Variants in TEX15 observed in about 807,000 individuals in gnomAD.
The protein encoded by TEX15 is testis-expressed protein 15.
A neutral mutation model predicts 237.3 loss-of-function variants in TEX15; 171 were observed. That is an observed-to-expected ratio of 0.72 (90% CI 0.64 to 0.82). TEX15 has a LOEUF of 0.82. Ranked by LOEUF, TEX15 falls within the 40% of genes least tolerant of loss-of-function variation. The pLI, the probability that TEX15 is intolerant of heterozygous loss-of-function variation, is 0.00. For missense variants in TEX15, 3,750 were observed against 3,646.5 expected (o/e 1.03, Z -0.73); for synonymous variants, 1,338 against 1,269.8 (o/e 1.05, Z -1.14).
intron 10 of TEX15, among the ~76,000 whole-genome samples, chr8:30,836,205 G>GGTT (rs1807288634): frequency 2.3e-5 from 1 of 43,264 alleles, no homozygotes; most frequent in Non-Finnish European, 3.9e-5. Context: ...TCACTGTATC[G>GGTT]TTTTTTTTTT....
At chr8:30,854,388 A>G (rs887870565) in intron 7 of TEX15, among the ~76,000 whole-genome samples, 1 of 152,068 alleles carries the variant, frequency 6.6e-6, no homozygotes, top group East Asian at 1.9e-4. Flanking sequence ...AATAAATTAC[A>G]TAACTGAAAT....
chr8:30,909,193 T>G (rs62508296), intron 1 of TEX15, among the ~76,000 whole-genome samples: 2,356 of 152,016 alleles, frequency 0.015, 30 homozygotes, highest in Non-Finnish European at 0.025. Flanking sequence ...TCTTCAAATT[T>G]AGTTACAGTA....
In TEX15 at chr8:30,842,797, A is replaced by G. The variant is rs745333814; in HGVS notation, c.7370T>C (p.Phe2457Ser). Residue 2457 changes from phenylalanine to serine, a missense_variant, in exon 8 of 11, where the codon TTT becomes TCT. Transcript: ENST00000643185. ...TTTCTTTGCTATTGAGTTTTTAAGA[A>G]AGTGAATTGTTTCTGAGACCATGAC... ...EIVMVSETIHFLKNSIAKKLD... is the reference protein window; with the variant it reads ...EIVMVSETIHSLKNSIAKKLD... 1.8e-5 allele frequency: 29 copies of G among 1,613,236 alleles called. No individual in the cohort carries two copies. In the South Asian group the frequency reaches 3.2e-4, roughly 18 times the overall value.
rs144509979 is a variant in TEX15 at position 30,902,999 on chromosome 8, A to G, written c.-85-4182T>C. Among the ~76,000 whole-genome samples the G allele has an allele frequency of 9.2e-5, 14 of 152,292 alleles. 1 individual carries two copies. In the South Asian group the frequency reaches 1.9e-3, roughly 20 times the overall value. ...AAGAGAGGGATTATGCTTTTAAACT[A>G]TGTGGTTAAACTATTTTATTTTGAT... On this transcript the variant is annotated intron_variant, in intron 1 of 10. Coordinates refer to ENST00000643185, the MANE Select transcript of TEX15 (RefSeq NM_001350162.2).
intron 7 of TEX15, among the ~76,000 whole-genome samples, chr8:30,849,989 T>C (rs1037832455): frequency 6.6e-6 from 1 of 152,068 alleles, no homozygotes; most frequent in Non-Finnish European, 1.5e-5. Flanking sequence ...ATTAATTTTC[T>C]ATATTCAGAT....
rs746964827 is a variant in TEX15, at chr8:30,912,916, T to C, written c.-123A>G. 1 of 152,320 alleles carries C rather than the reference T, an allele frequency of 6.6e-6. No homozygotes were observed. Among genetic ancestry groups the C allele is most frequent in the Non-Finnish European group, 1.5e-5 (1 of 68,136 alleles). The allele number at this position is 152,320 out of a possible 1,614,324, so 9.4% of individuals were successfully genotyped here. ...TCTTTGCTCAGTCAGTTCCTCAGAC[T>C]CAATCTTAGCACGGTACAGACCTTC... On this transcript the variant is annotated 5_prime_UTR_variant, in exon 1 of 11. Transcript: ENST00000643185.
intron 3 of TEX15, among the ~76,000 whole-genome samples, chr8:30,881,031 C>T (rs1293755344): frequency 6.6e-6 from 1 of 152,006 alleles, no homozygotes; most frequent in Non-Finnish European, 1.5e-5. Context: ...GCTAATTCCT[C>T]TCCTTGGCTT....
chr8:30,848,183 A>C lies in TEX15; in HGVS notation c.1984T>G (p.Leu662Val). The C allele has an allele frequency of 6.2e-7, 1 of 1,611,706 alleles. No homozygotes were observed. The highest frequency in any genetic ancestry group is 1.1e-5 in the South Asian group (1 of 90,356). ...TCACTCTCTTTGTATTCTTGGTGCA[A>C]AACAATGTAATTATCTATTGGACTG... is the stretch of plus-strand genomic sequence containing the variant. ...KISPIDNYIV[L>V]HQEYKESESH... is the part of the protein sequence containing the mutation. Residue 662 changes from leucine to valine, a missense_variant, in exon 8 of 11, where the codon TTG becomes GTG. Coordinates refer to ENST00000643185, the MANE Select transcript of TEX15 (RefSeq NM_001350162.2).
chr8:30,873,009 T>C (rs577340961), intron 4 of TEX15, among the ~76,000 whole-genome samples: 81 of 152,304 alleles, frequency 5.3e-4, no homozygotes, highest in Non-Finnish European at 8.8e-4. Flanking sequence ...AGTTGAGGTG[T>C]ATAAGTAGGC....
rs1807625332 is a variant in TEX15, at chr8:30,846,788, G to T, written c.3379C>A (p.Gln1127Lys). ...TAGTTACTTTCCTTAGAATAATGCT[G>T]ATCACTATTCTCCCTTCCTGTGGTG... ...ESTTGRENSD[Q>K]HYSKESNYFY... Residue 1127 changes from glutamine to lysine, a missense_variant, in exon 8 of 11, where the codon CAG becomes AAG. Gln to Lys is a moderately conservative substitution (Grantham distance 53). Coordinates refer to ENST00000643185, the MANE Select transcript of TEX15 (RefSeq NM_001350162.2). 6.2e-7 allele frequency: 1 copy of T among 1,613,538 alleles called. No homozygotes were observed. Among genetic ancestry groups the T allele is most frequent in the East Asian group, 2.2e-5 (1 of 44,874 alleles).
At chr8:30,889,959 A>ATACG in intron 2 of TEX15, among the ~76,000 whole-genome samples, 1 of 145,996 alleles carries the variant, frequency 6.8e-6, no homozygotes, top group African/African-American at 2.5e-5. Flanking sequence ...ATATACATAT[A>ATACG]TATATATATG....
chr8:30,866,387 G>A (rs1808167022), intron 5 of TEX15, among the ~76,000 whole-genome samples: 1 of 150,332 alleles, frequency 6.7e-6, no homozygotes, highest in South Asian at 2.1e-4. Flanking sequence ...GAAGGGGAAG[G>A]GGAAGGGAAG....
Position 30,837,158 on chromosome 8 carries a change from A to T in TEX15, c.9126T>A (p.Ser3042=). The T allele has an allele frequency of 1.9e-6, 3 of 1,614,094 alleles. No homozygotes were observed. The highest frequency in any genetic ancestry group is 2.5e-6 in the Non-Finnish European group (3 of 1,179,972). The change falls in exon 10 of 11, where the codon TCT becomes TCA. Residue 3042 remains serine, a synonymous_variant. Transcript: ENST00000643185. ...TGCTGTACTGATAAACACACCAAGC[A>T]GAGTATGGATATGAAGTTCCAAATA... ...EHLFGTSYPY[S]AWCVYQYSNS... is the part of the protein sequence containing the mutation.
chr8:30,843,808 A>C lies in TEX15; in HGVS notation c.6359T>G (p.Phe2120Cys), dbSNP rs1460638447. The change falls in exon 8 of 11, where the codon TTT (phenylalanine) becomes TGT (cysteine). Residue 2120 changes from phenylalanine (F) to cysteine (C), a missense_variant. Phe to Cys is a radical substitution (Grantham distance 205, BLOSUM62 -2). Coordinates refer to ENST00000643185, the MANE Select transcript of TEX15 (RefSeq NM_001350162.2). Reference sequence around the variant, plus strand: ...AGGATAGAAATTAGACTGCTGTTGAAATCCACGTGGTTTTCCAAGAAGCTC... The same window carrying C: ...AGGATAGAAATTAGACTGCTGTTGACATCCACGTGGTTTTCCAAGAAGCTC... Reference protein sequence around the residue: ...YAELLGKPRGFQQQSNFYPGF... With the variant: ...YAELLGKPRGCQQQSNFYPGF... The C allele has an allele frequency of 6.2e-7, 1 of 1,613,086 alleles. No homozygotes were observed. The highest frequency in any genetic ancestry group is 2.2e-5 in the East Asian group (1 of 44,882).
At chr8:30,852,100 CTTTTTTTTTTTT>C (rs910989172) in intron 7 of TEX15, among the ~76,000 whole-genome samples, 4 of 90,424 alleles carry the variant, frequency 4.4e-5, no homozygotes, top group Admixed American at 1.3e-4. Flanking sequence ...TTAATTTAAT[CTTTTTTTTTTTT>C]TTTTTTTTTT....
rs760288575 is a variant in TEX15, at chr8:30,846,158, C to T, written c.4009G>A (p.Glu1337Lys). The stretch of plus-strand genomic sequence containing the variant: ...CCTTGGGATAATGAAGAGAAACACT[C>T]AGATGAGTCTTGACTGGTTAGCCTC... ...KRRLTSQDSS[E>K]CFSSLSQGRI... Residue 1337 changes from glutamate to lysine, a missense_variant, in exon 8 of 11, where the codon GAG becomes AAG. By Grantham distance (56) the Glu-to-Lys change is moderately conservative. Coordinates refer to ENST00000643185, the MANE Select transcript of TEX15 (RefSeq NM_001350162.2). 1 of 1,613,410 alleles carries T rather than the reference C, an allele frequency of 6.2e-7. No homozygotes were observed. Among genetic ancestry groups the T allele is most frequent in the Non-Finnish European group, 8.5e-7 (1 of 1,179,592 alleles).
At position 30,837,357 on chromosome 8, in the gene TEX15, T is replaced by C. The variant is rs151296205; in HGVS notation, c.8927A>G (p.His2976Arg). ...TATATGCCCAGATGCTCCAAAAGTA[T>C]GCACAGTATTGGGATTCAATGTATC... ...MKDTLNPNTV[H>R]TFGASGHITL... Residue 2976 changes from histidine to arginine, a missense_variant, in exon 10 of 11, where the codon CAT becomes CGT. By Grantham distance (29) the His-to-Arg change is conservative. Coordinates refer to ENST00000643185, the MANE Select transcript of TEX15 (RefSeq NM_001350162.2). 695 of 1,614,060 alleles carry C rather than the reference T, an allele frequency of 4.3e-4. No individual in the cohort carries two copies. The highest frequency in any genetic ancestry group is 5.7e-4 in the Non-Finnish European group (674 of 1,180,020).
intron 4 of TEX15, among the ~76,000 whole-genome samples, chr8:30,869,634 AT>A (rs1456219012): frequency 6.6e-6 from 1 of 151,932 alleles, no homozygotes; most frequent in East Asian, 1.9e-4. Flanking sequence ...TCACCTAAAG[AT>A]CCTAGGATCC....
intron 7 of TEX15, among the ~76,000 whole-genome samples, chr8:30,851,078 T>C (rs181371834): frequency 3.9e-5 from 6 of 152,172 alleles, no homozygotes; most frequent in African/African-American, 1.4e-4. Context: ...TTCATCGATA[T>C]GTTATATGTA....
Sources: gnomAD v4.1 joint callset for allele counts (sites outside exome capture counted in the v4.1 genomes callset) on GRCh38, gnomAD v4.1.1 for gene constraint, MANE v1.5 for transcripts, NCBI Gene and HGNC (gene_info 2026-07-23, HGNC 2026-07-21) for gene names.